RBFOX3: variants seen among roughly 807,000 people sequenced by gnomAD.
RBFOX3 encodes RNA binding protein fox-1 homolog 3.
Under a neutral mutation model 48.7 loss-of-function variants are expected in RBFOX3, and 17 were observed. That is an observed-to-expected ratio of 0.35 (90% confidence interval 0.24 to 0.52). The LOEUF (loss-of-function observed/expected upper bound fraction) is 0.52, where lower values mean the gene tolerates loss of function less well. RBFOX3 is among the 20% of genes least tolerant of loss of function. The pLI is 0.94. For missense variants in RBFOX3, 382 were observed against 497.5 expected (o/e 0.77, Z 2.21); for synonymous variants, 212 against 209.5 (o/e 1.01, Z -0.10).
intron 4 of RBFOX3, among the ~76,000 whole-genome samples, chr17:79,137,291 C>A (rs1187318294): frequency 6.6e-6 from 1 of 152,104 alleles, no homozygotes. Context: ...GACATGCAGT[C>A]CCTGTACACG....
intron 14 of RBFOX3, chr17:79,091,826 C>T (rs1162568999): frequency 2.1e-6 from 1 of 479,604 alleles, no homozygotes; most frequent in African/African-American, 2.1e-5. Context: ...GAGGAGCGAC[C>T]AGGACGTGCC....
In RBFOX3 at chr17:79,254,312, C is replaced by G. The variant is rs933308138; in HGVS notation, c.-73-18507G>C. Among the ~76,000 whole-genome samples, 1 of 152,162 alleles carries G rather than the reference C, an allele frequency of 6.6e-6. No individual in the cohort carries two copies. Among genetic ancestry groups the G allele is most frequent in the Non-Finnish European group, 1.5e-5 (1 of 68,022 alleles). ...TCCTATTCCTGCCTCGTTCAGAACC[C>G]TGCCCACCCCGCAACCCCCAGGTGG... is the stretch of plus-strand genomic sequence containing the variant. On this transcript the variant is annotated intron_variant, in intron 3 of 14. Transcript: ENST00000693108. The surrounding 1 kb of genome is among the most constrained non-coding windows in gnomAD (Gnocchi z 4.8).
intron 4 of RBFOX3, among the ~76,000 whole-genome samples, chr17:79,182,375 G>A (rs1485611204): frequency 3.3e-5 from 5 of 152,296 alleles, no homozygotes; most frequent in Non-Finnish European, 5.9e-5. Flanking sequence ...GGTGGGTGAG[G>A]CCAGGGTATT....
Position 79,595,122 on chromosome 17 carries a change from C to T in RBFOX3, c.-320+15704G>A, listed in dbSNP as rs947879214. On this transcript the variant is annotated intron_variant, in intron 1 of 14. Transcript: ENST00000693108. ...CCCTTAGAGTAACAGCAGGAATGAC[C>T]CCCACCCCCGCCTGGAGAGCCATCG... Among the ~76,000 whole-genome samples the T allele has an allele frequency of 4.6e-4, 70 of 152,088 alleles. 1 individual carries two copies. Among genetic ancestry groups the T allele is most frequent in the African/African-American group, 1.6e-3 (66 of 41,472 alleles).
chr17:79,429,640 C>T (rs187676382), intron 2 of RBFOX3, among the ~76,000 whole-genome samples: 2 of 152,152 alleles, frequency 1.3e-5, no homozygotes, highest in East Asian at 3.9e-4. Context: ...CACACCTGGG[C>T]CAGTTGAGAG....
intron 4 of RBFOX3, among the ~76,000 whole-genome samples, chr17:79,161,662 C>T (rs2047011232): frequency 6.6e-6 from 1 of 152,156 alleles, no homozygotes; most frequent in Non-Finnish European, 1.5e-5. Context: ...GTGGCGCGAT[C>T]TTGTTTCACT....
chr17:79,213,928 T>C (rs1410812928), intron 4 of RBFOX3, among the ~76,000 whole-genome samples: 3 of 152,204 alleles, frequency 2.0e-5, no homozygotes, highest in Non-Finnish European at 2.9e-5. Context: ...ATTGAGGATG[T>C]GAAGGAAGCC....
At chr17:79,156,100 G>A (rs765889090) in intron 4 of RBFOX3, among the ~76,000 whole-genome samples, 1 of 152,230 alleles carries the variant, frequency 6.6e-6, no homozygotes, top group Non-Finnish European at 1.5e-5. Flanking sequence ...TCTGGGGACT[G>A]ACACACTTGG....
At chr17:79,281,668 T>G (rs974043520) in intron 3 of RBFOX3, among the ~76,000 whole-genome samples, 1 of 152,204 alleles carries the variant, frequency 6.6e-6, no homozygotes, top group African/African-American at 2.4e-5. Flanking sequence ...TTCTGCTCAG[T>G]GATCAAATAA....
chr17:79,135,585 A>G (rs1273753330), intron 4 of RBFOX3, among the ~76,000 whole-genome samples: 1 of 152,114 alleles, frequency 6.6e-6, no homozygotes, highest in African/African-American at 2.4e-5. Flanking sequence ...CCTTCCTTCC[A>G]GGTGCTCCCC....
At chr17:79,144,342 G>A (rs372227157) in intron 4 of RBFOX3, among the ~76,000 whole-genome samples, 134 of 151,618 alleles carry the variant, frequency 8.8e-4, no homozygotes, top group Non-Finnish European at 1.4e-3. Context: ...GGACGGCCAC[G>A]GAGGGTGGGG....
At chr17:79,464,330 A>G (rs1327336434) in intron 2 of RBFOX3, among the ~76,000 whole-genome samples, 2 of 152,232 alleles carry the variant, frequency 1.3e-5, no homozygotes, top group Non-Finnish European at 2.9e-5. Context: ...AGCCCGGAGA[A>G]GAGGGGAATG....
At position 79,220,837 on chromosome 17, in the gene RBFOX3, G is replaced by T. The variant is rs1304774886; in HGVS notation, c.-34+14929C>A. On this transcript the variant is annotated intron_variant, in intron 4 of 14. Transcript: ENST00000693108. The surrounding 1 kb of genome is among the most constrained non-coding windows in gnomAD (Gnocchi z 5.9). ...AAGCAGCTCCTGCAGAGGCGGGGCG[G>T]CTCTCCAGGCCTGGAGCGTGGGCCA... Among the ~76,000 whole-genome samples the T allele has an allele frequency of 1.3e-5, 2 of 152,082 alleles. No individual in the cohort carries two copies. The highest frequency in any genetic ancestry group is 4.8e-5 in the African/African-American group (2 of 41,408).
At chr17:79,656,365 G>A in the RBFOX3 span, among the ~76,000 whole-genome samples, 1 of 152,202 alleles carries the variant, frequency 6.6e-6, no homozygotes, top group Non-Finnish European at 1.5e-5. Flanking sequence ...TGTAATCCCA[G>A]CACTTTGGGA....
At chr17:79,130,456 CG>C (rs2038552482) in intron 4 of RBFOX3, among the ~76,000 whole-genome samples, 1 of 152,246 alleles carries the variant, frequency 6.6e-6, no homozygotes, top group African/African-American at 2.4e-5. Flanking sequence ...CAGTGGAGGG[CG>C]GGCACAGGCT....
intron 5 of RBFOX3, among the ~76,000 whole-genome samples, chr17:79,110,790 G>A (rs2031013958): frequency 6.6e-6 from 1 of 152,214 alleles, no homozygotes; most frequent in Non-Finnish European, 1.5e-5. Flanking sequence ...CTCCTGATCT[G>A]GCCTCTGCAC....
the RBFOX3 span, among the ~76,000 whole-genome samples, chr17:79,627,102 C>T: frequency 6.6e-5 from 10 of 152,206 alleles, no homozygotes; most frequent in East Asian, 1.9e-4. Flanking sequence ...CAGCCACACA[C>T]GGAGGTGTGA....
chr17:79,316,332 C>T (rs2077538565), intron 2 of RBFOX3, among the ~76,000 whole-genome samples: 1 of 152,210 alleles, frequency 6.6e-6, no homozygotes, highest in Non-Finnish European at 1.5e-5. Context: ...CCACCCCAAG[C>T]CCAGGCCAGC....
the RBFOX3 span, among the ~76,000 whole-genome samples, chr17:79,660,345 C>G: frequency 6.6e-6 from 1 of 150,564 alleles, no homozygotes; most frequent in Non-Finnish European, 1.5e-5. Flanking sequence ...AAGAAACTAT[C>G]ATCAGAGTGA....
Sources: allele counts gnomAD v4.1 joint callset (sites outside exome capture counted in the v4.1 genomes callset), GRCh38; gene constraint gnomAD v4.1.1; non-coding constraint Gnocchi (gnomAD v3.1); transcripts MANE v1.5; gene names NCBI Gene and HGNC (gene_info 2026-07-23, HGNC 2026-07-21).